AGBL4: variants seen among roughly 807,000 people sequenced by gnomAD.
The protein encoded by AGBL4 is AGBL carboxypeptidase 4, also known as cytosolic carboxypeptidase 6.
Under a neutral mutation model 66.4 loss-of-function variants are expected in AGBL4, and 58 were observed. The ratio of observed to expected loss-of-function variants is 0.87; its 90% CI spans 0.71 to 1.09. The LOEUF is 1.09. Ranked by LOEUF, AGBL4 falls within the 50% of genes least tolerant of loss-of-function variation. The pLI, the probability that AGBL4 is intolerant of heterozygous loss-of-function variation, is 0.00. For missense variants in AGBL4, 579 were observed against 631.0 expected (o/e 0.92, Z 0.88); for synonymous variants, 234 against 222.9 (o/e 1.05, Z -0.44).
At chr1:49,889,728 GC>G (rs113106652) in intron 1 of AGBL4, among the ~76,000 whole-genome samples, 11,089 of 152,004 alleles carry the variant, frequency 0.073, 1,271 homozygotes, top group African/African-American at 0.24. Context: ...CTGCACTCCA[GC>G]CTAGGTGACA....
intron 6 of AGBL4, among the ~76,000 whole-genome samples, chr1:48,807,581 C>T (rs894659388): frequency 6.6e-6 from 1 of 152,144 alleles, no homozygotes; most frequent in African/African-American, 2.4e-5. Context: ...TGCTTTGGGC[C>T]AACTATTCTC....
chr1:49,800,353 T>C (rs181010077), intron 2 of AGBL4, among the ~76,000 whole-genome samples: 9 of 126,448 alleles, frequency 7.1e-5, no homozygotes, highest in East Asian at 4.0e-4. Context: ...TATTTATTAT[T>C]TTTTTTCTCA....
At chr1:49,170,202 T>C (rs1054190192) in intron 4 of AGBL4, among the ~76,000 whole-genome samples, 1 of 147,164 alleles carries the variant, frequency 6.8e-6, no homozygotes, top group Non-Finnish European at 1.5e-5. Context: ...ATAAATATGT[T>C]ATAAATTTAT....
chr1:49,685,423 T>C, intron 3 of AGBL4, among the ~76,000 whole-genome samples: 1 of 152,204 alleles, frequency 6.6e-6, no homozygotes, highest in East Asian at 1.9e-4. Context: ...TAACCAGTAA[T>C]GGAATTGCTG....
intron 6 of AGBL4, among the ~76,000 whole-genome samples, chr1:48,749,606 G>C (rs1651337797): frequency 6.6e-6 from 1 of 152,178 alleles, no homozygotes; most frequent in Non-Finnish European, 1.5e-5. Context: ...CACTCTGTGG[G>C]ACCCTCAGCT....
intron 6 of AGBL4, among the ~76,000 whole-genome samples, chr1:48,856,485 C>A (rs1000827985): frequency 6.6e-6 from 1 of 152,126 alleles, no homozygotes; most frequent in Admixed American, 6.5e-5. Flanking sequence ...TGAAACAGCC[C>A]CTCGGCTGTT....
intron 3 of AGBL4, among the ~76,000 whole-genome samples, chr1:49,563,972 T>C (rs981735081): frequency 1.3e-5 from 2 of 152,336 alleles, no homozygotes; most frequent in Admixed American, 1.3e-4. Flanking sequence ...TATTAATTAT[T>C]GCCTCAATTT....
chr1:49,204,449 A>G (rs983909310), intron 4 of AGBL4, among the ~76,000 whole-genome samples: 1 of 151,876 alleles, frequency 6.6e-6, no homozygotes, highest in African/African-American at 2.4e-5. Flanking sequence ...TAAGAAAAAA[A>G]AAAATTGTTT....
chr1:49,344,264 A>T (rs1394179716), intron 3 of AGBL4, among the ~76,000 whole-genome samples: 1 of 152,216 alleles, frequency 6.6e-6, no homozygotes, highest in Non-Finnish European at 1.5e-5. Context: ...ATACATATGT[A>T]ACTAACCTGC....
In AGBL4 at chr1:48,685,399, G is replaced by A. The variant is rs1024256532; in HGVS notation, c.635-22158C>T. ...ACTTGTCCCTTCTTAGGAATTAGAC[G>A]AGAAGACTTCTCTTCAGCCTTCTGC... On this transcript the variant is annotated intron_variant, in intron 6 of 13. Transcript: ENST00000371839. Among the ~76,000 whole-genome samples, 9 of 152,200 alleles carry A rather than the reference G, an allele frequency of 5.9e-5. No homozygotes were observed. The South Asian group carries it at 1.5e-3, about 25-fold the overall frequency.
At chr1:48,863,254 G>A (rs529009963) in intron 6 of AGBL4, among the ~76,000 whole-genome samples, 3 of 152,178 alleles carry the variant, frequency 2.0e-5, no homozygotes, top group African/African-American at 7.2e-5. Context: ...CATATAACCA[G>A]TTAAGGTTAG....
chr1:49,014,724 G>A (rs2149012061), intron 5 of AGBL4, among the ~76,000 whole-genome samples: 1 of 152,182 alleles, frequency 6.6e-6, no homozygotes, highest in East Asian at 1.9e-4. Context: ...CACCCTACAG[G>A]GAACCTCCTT....
chr1:49,087,037 A>G (rs568028215), intron 4 of AGBL4, among the ~76,000 whole-genome samples: 1 of 120,412 alleles, frequency 8.3e-6, no homozygotes, highest in Admixed American at 7.6e-5. Flanking sequence ...AAGGTAAAAG[A>G]AAAAAAAAAA....
intron 5 of AGBL4, among the ~76,000 whole-genome samples, chr1:48,924,866 C>A (rs1329571105): frequency 6.6e-6 from 1 of 151,932 alleles, no homozygotes; most frequent in African/African-American, 2.4e-5. Context: ...GAAATGGAAC[C>A]TATACAACAA....
intron 2 of AGBL4, among the ~76,000 whole-genome samples, chr1:49,713,348 C>A (rs904842960): frequency 1.3e-5 from 2 of 152,002 alleles, no homozygotes; most frequent in African/African-American, 4.8e-5. Context: ...CTATTAATTT[C>A]CACGGCACCT....
At chr1:49,914,846 T>C (rs1651227951) in intron 1 of AGBL4, among the ~76,000 whole-genome samples, 1 of 151,866 alleles carries the variant, frequency 6.6e-6, no homozygotes, top group Admixed American at 6.6e-5. Flanking sequence ...GGTGATACCA[T>C]GGTGGAAGAC....
At chr1:49,249,274 C>T (rs1466071958) in intron 3 of AGBL4, among the ~76,000 whole-genome samples, 4 of 152,022 alleles carry the variant, frequency 2.6e-5, no homozygotes, top group Non-Finnish European at 5.9e-5. Flanking sequence ...AAACCACTAA[C>T]AAAATGAAGA....
At chr1:49,494,732 C>T (rs1170057738) in intron 3 of AGBL4, among the ~76,000 whole-genome samples, 1 of 152,058 alleles carries the variant, frequency 6.6e-6, no homozygotes, top group African/African-American at 2.4e-5. Flanking sequence ...CCGCCATAAA[C>T]ATACGTGTGC....
intron 2 of AGBL4, among the ~76,000 whole-genome samples, chr1:49,744,615 T>C (rs1164689961): frequency 6.6e-6 from 1 of 152,044 alleles, no homozygotes; most frequent in Non-Finnish European, 1.5e-5. Flanking sequence ...GAAGAAGAAA[T>C]ACAGAGCATC....
Sources: allele counts gnomAD v4.1 joint callset (sites outside exome capture counted in the v4.1 genomes callset), GRCh38; gene constraint gnomAD v4.1.1; transcripts MANE v1.5; gene names NCBI Gene and HGNC (gene_info 2026-07-23, HGNC 2026-07-21).